COL9A2: variants seen among roughly 807,000 people sequenced by gnomAD.
The protein encoded by COL9A2 is collagen alpha-2(IX) chain.
In COL9A2, 66 loss-of-function variants were observed where a neutral mutation model predicts 111.6. The observed-to-expected ratio is 0.59, with a 90% confidence interval of 0.48 to 0.73. The LOEUF is 0.73. Among genes scored for constraint, COL9A2 ranks in the 30% least tolerant of loss-of-function variants. The probability of loss-of-function intolerance (pLI) is 0.00; values close to 1 mark genes in which losing one functional copy is unlikely to be tolerated. For synonymous variants in COL9A2, 353 were observed against 364.1 expected (o/e 0.97, Z 0.35); for missense variants, 881 against 954.1 (o/e 0.92, Z 1.01).
In COL9A2 at chr1:40,302,419, C is replaced by T. The variant is rs999463388; in HGVS notation, c.1792+202G>A. The stretch of plus-strand genomic sequence containing the variant: ...CCACTAAGCACATTCAAAAACAAAC[C>T]CCAGAAACCCCGAGTGATAACATAG... On this transcript the variant is annotated intron_variant, in intron 30 of 31. Transcript: ENST00000372748. This position sits in a 1 kb window ranked among gnomAD's most constrained non-coding sequence, Gnocchi z 4.5. Among the ~76,000 whole-genome samples, 1 of 152,108 alleles carries T rather than the reference C, an allele frequency of 6.6e-6. No homozygotes were observed. The highest frequency in any genetic ancestry group is 1.5e-5 in the Non-Finnish European group (1 of 68,028).
chr1:40,316,592 C>A lies in COL9A2; in HGVS notation c.75+531G>T, dbSNP rs1324494428. 2.2e-6 allele frequency: 1 copy of A among 454,720 alleles called. No individual in the cohort carries two copies. The highest frequency in any genetic ancestry group is 2.0e-5 in the African/African-American group (1 of 49,442). 28.2% of individuals were successfully genotyped at this position (454,720 alleles called of 1,614,324 possible). A position where few individuals can be genotyped will look rare whatever the true frequency, so the allele number is the denominator to read the frequency against. ...CAGGCCGCGAAGTGCCAGGCTGGCG[C>A]CCCGCAGGCGAGCTCGAAACCACAC... On this transcript the variant is annotated intron_variant, in intron 1 of 31. Transcript: ENST00000372748. This position sits in a 1 kb window ranked among gnomAD's most constrained non-coding sequence, Gnocchi z 5.5.
Position 40,310,780 on chromosome 1 carries a change from G to A in COL9A2, c.631-13C>T, listed in dbSNP as rs1395226890. 6.4e-7 allele frequency: 1 copy of A among 1,558,414 alleles called. No homozygotes were observed. Among genetic ancestry groups the A allele is most frequent in the Non-Finnish European group, 8.7e-7 (1 of 1,150,390 alleles). ...CTCCCTTGGGACCCTAAAGGGCAGG[G>A]ATGAGCTGTCAGACAGGCAGGCAGA... On this transcript the variant is annotated splice_polypyrimidine_tract_variant and intron_variant, in intron 12 of 31. Transcript: ENST00000372748. This position sits in a 1 kb window ranked among gnomAD's most constrained non-coding sequence, Gnocchi z 4.9.
In COL9A2 at chr1:40,306,555, G is replaced by A. The variant is rs115626698; in HGVS notation, c.1009-368C>T. ...GGCTCCCATGGACTGGACTCCAGGAGGTATGGAATGGAGATGGCCCTGAAC... is the reference window on the plus strand; with the variant it reads ...GGCTCCCATGGACTGGACTCCAGGAAGTATGGAATGGAGATGGCCCTGAAC... On this transcript the variant is annotated intron_variant, in intron 19 of 31. Transcript: ENST00000372748. 3.4e-3 allele frequency among the ~76,000 whole-genome samples: 519 copies of A among 152,318 alleles called. 3 individuals carry two copies. Among genetic ancestry groups the A allele is most frequent in the African/African-American group, 0.012 (497 of 41,572 alleles).
In COL9A2 at chr1:40,307,638, G is replaced by T; in HGVS notation, c.954+65C>A. On this transcript the variant is annotated intron_variant, in intron 18 of 31. Coordinates refer to ENST00000372748, the MANE Select transcript of COL9A2 (RefSeq NM_001852.4). The surrounding 1 kb of genome is among the most constrained non-coding windows in gnomAD (Gnocchi z 4.8). Reference sequence around the variant, plus strand: ...ATGACCTGAGGACCCCAGGCTCTTGGTGTCTAGAATCCAGGACTCAAGGTC... The same window carrying T: ...ATGACCTGAGGACCCCAGGCTCTTGTTGTCTAGAATCCAGGACTCAAGGTC... The T allele has an allele frequency of 6.2e-7, 1 of 1,600,154 alleles. No homozygotes were observed. Among genetic ancestry groups the T allele is most frequent in the Non-Finnish European group, 8.6e-7 (1 of 1,169,442 alleles).
At position 40,305,058 on chromosome 1, in the gene COL9A2, TTTC is replaced by T. The variant is rs202104002; in HGVS notation, c.1108-214_1108-212del. On this transcript the variant is annotated intron_variant, in intron 21 of 31. Transcript: ENST00000372748. The stretch of plus-strand genomic sequence containing the variant: ...TACTTATCATGTGATCATTTCTTTC[TTTC>T]TTTTTTTTTTTTTTTTTTTTTTTTG... 17,982 of 359,474 alleles carry T rather than the reference TTTC, an allele frequency of 0.05. 389 individuals are homozygous for T. The highest frequency in any genetic ancestry group is 0.17 in the East Asian group (3,421 of 20,394). The allele number at this position is 359,474 out of a possible 1,614,324, so 22.3% of individuals were successfully genotyped here.
Position 40,312,663 on chromosome 1 carries a change from C to A in COL9A2, c.304-54G>T. 6.2e-7 allele frequency: 1 copy of A among 1,602,160 alleles called. No individual in the cohort carries two copies. The highest frequency in any genetic ancestry group is 8.5e-7 in the Non-Finnish European group (1 of 1,174,046). On this transcript the variant is annotated intron_variant, in intron 5 of 31. Transcript: ENST00000372748. This position sits in a 1 kb window ranked among gnomAD's most constrained non-coding sequence, Gnocchi z 6.0. ...GCTGGGGTTTCCCCGGCTCCTACTTCCTCTCTACAGCCACTCCCAAACGCT... is the reference window on the plus strand; with the variant it reads ...GCTGGGGTTTCCCCGGCTCCTACTTACTCTCTACAGCCACTCCCAAACGCT...
Position 40,317,140 on chromosome 1 carries a change from G to T in COL9A2, c.58C>A (p.Leu20Ile). The T allele has an allele frequency of 6.3e-7, 1 of 1,584,194 alleles. No homozygotes were observed. Among genetic ancestry groups the T allele is most frequent in the Admixed American group, 1.8e-5 (1 of 55,988 alleles). ...AAACTTACAATCTGCGCCAGAGCGA[G>T]CACTACCACCTGGAGGAGAACAAGG... ...SLLVLLQVVV[L>I]ALAQIRGPPG... is the part of the protein sequence containing the mutation. Residue 20 changes from leucine to isoleucine, a missense_variant, in exon 1 of 32, where the codon CTC (leucine) becomes ATC (isoleucine). Physicochemically the swap from Leu to Ile is conservative, Grantham distance 5. Transcript: ENST00000372748. This position sits in a 1 kb window ranked among gnomAD's most constrained non-coding sequence, Gnocchi z 4.3.
rs370682522 is a variant in COL9A2, at chr1:40,304,831, C to G, written c.1124G>C (p.Arg375Pro). 92 of 1,550,554 alleles carry G rather than the reference C, an allele frequency of 5.9e-5. No homozygotes were observed. Among genetic ancestry groups the G allele is most frequent in the Non-Finnish European group, 7.6e-5 (87 of 1,146,934 alleles). Residue 375 changes from arginine (R) to proline (P), a missense_variant, in exon 22 of 32, where the codon CGA becomes CCA. Arg to Pro is a moderately radical substitution (Grantham distance 103). Coordinates refer to ENST00000372748, the MANE Select transcript of COL9A2 (RefSeq NM_001852.4). ...GATGCCCTGGGGACCAATTTCTCCT[C>G]GAGGCCCTGGCTCTCCCTGGAGGAA... ...PPGKEGEPGP[R>P]GEIGPQGIMG...
At position 40,310,127 on chromosome 1, in the gene COL9A2, C is replaced by T; in HGVS notation, c.776G>A (p.Gly259Asp). 3.1e-6 allele frequency: 5 copies of T among 1,614,002 alleles called. No individual in the cohort carries two copies. The highest frequency in any genetic ancestry group is 4.2e-6 in the Non-Finnish European group (5 of 1,179,910). Residue 259 changes from glycine (G) to aspartate (D), a missense_variant, in exon 15 of 32, where the codon GGT becomes GAT. Gly to Asp is a moderately conservative substitution (Grantham distance 94). Transcript: ENST00000372748. The surrounding 1 kb of genome is among the most constrained non-coding windows in gnomAD (Gnocchi z 4.9). Reference sequence around the variant, plus strand: ...GAGGCTTACCGGTGGCCCAGTGGCACCGATAGCGCCCACCATGCCTTTATA... The same window carrying T: ...GAGGCTTACCGGTGGCCCAGTGGCATCGATAGCGCCCACCATGCCTTTATA... ...HGYKGMVGAIGATGPPGEEGP... is the reference protein window; with the variant it reads ...HGYKGMVGAIDATGPPGEEGP...
Position 40,310,256 on chromosome 1 carries a change from T to C in COL9A2, c.738+8A>G. The C allele has an allele frequency of 1.2e-6, 2 of 1,614,018 alleles. No homozygotes were observed. The highest frequency in any genetic ancestry group is 2.2e-5 in the South Asian group (2 of 91,086). On this transcript the variant is annotated splice_region_variant and intron_variant, in intron 14 of 31. Transcript: ENST00000372748. This position sits in a 1 kb window ranked among gnomAD's most constrained non-coding sequence, Gnocchi z 4.9. ...AAGCTCTTGTAGAACACCCCAAGATTCACTTACCGTCTCTCCCTTGGGCCC... is the reference window on the plus strand; with the variant it reads ...AAGCTCTTGTAGAACACCCCAAGATCCACTTACCGTCTCTCCCTTGGGCCC...
Position 40,302,591 on chromosome 1 carries a change from C to A in COL9A2, c.1792+30G>T. 1.3e-6 allele frequency: 2 copies of A among 1,575,998 alleles called. No homozygotes were observed. The highest frequency in any genetic ancestry group is 8.6e-7 in the Non-Finnish European group (1 of 1,164,266). ...GCCTGGACAAATCCTCACTGCCTGG[C>A]CCCCATGCCCACCGCAGAGGAGCAC... is the stretch of plus-strand genomic sequence containing the variant. On this transcript the variant is annotated intron_variant, in intron 30 of 31. Transcript: ENST00000372748. The surrounding 1 kb of genome is among the most constrained non-coding windows in gnomAD (Gnocchi z 4.5).
At position 40,307,811 on chromosome 1, in the gene COL9A2, G is replaced by C; in HGVS notation, c.901-55C>G. ...GATAATGCGGAGATGTCTGGGGTCTGGCCACCCACCCCTGTTCCTCTGAGA... is the reference window on the plus strand; with the variant it reads ...GATAATGCGGAGATGTCTGGGGTCTCGCCACCCACCCCTGTTCCTCTGAGA... On this transcript the variant is annotated intron_variant, in intron 17 of 31. Transcript: ENST00000372748. This position sits in a 1 kb window ranked among gnomAD's most constrained non-coding sequence, Gnocchi z 4.8. The C allele has an allele frequency of 6.3e-7, 1 of 1,577,668 alleles. No individual in the cohort carries two copies. Among genetic ancestry groups the C allele is most frequent in the Non-Finnish European group, 8.7e-7 (1 of 1,148,052 alleles).
At chr1:40,304,618 C>T in intron 22 of COL9A2, 89 bp from the exon 23 acceptor site, 1 of 1,505,772 alleles carries the variant, frequency 6.6e-7, no homozygotes, top group Non-Finnish European at 9.2e-7. Flanking sequence ...GGTCAGGGTG[C>T]CCTCCATTCC....
rs1206919980 is a variant in COL9A2 at position 40,316,170 on chromosome 1, T to C, written c.76-506A>G. ...GAGACAGCGCCTCCTCCTCTCCCCA[T>C]GGTGCGGGAAAACCCGACGGGAAAG... On this transcript the variant is annotated intron_variant, in intron 1 of 31. Transcript: ENST00000372748. The surrounding 1 kb of genome is among the most constrained non-coding windows in gnomAD (Gnocchi z 5.5). The C allele has an allele frequency of 6.1e-6, 1 of 163,766 alleles. No homozygotes were observed. Among genetic ancestry groups the C allele is most frequent in the Non-Finnish European group, 1.3e-5 (1 of 74,644 alleles). 10.1% of individuals were successfully genotyped at this position (163,766 alleles called of 1,614,324 possible). A position where few individuals can be genotyped will look rare whatever the true frequency, so the allele number is the denominator to read the frequency against.
chr1:40,302,000 T>C lies in COL9A2; in HGVS notation c.1793-111A>G, dbSNP rs118134553. ...ATTCCTGTTTTGTGCTAGTTTGTAA[T>C]AGAGGAAAGTTGGAAATGGTCACGC... On this transcript the variant is annotated intron_variant, in intron 30 of 31. Coordinates refer to ENST00000372748, the MANE Select transcript of COL9A2 (RefSeq NM_001852.4). 553 of 1,132,454 alleles carry C rather than the reference T, an allele frequency of 4.9e-4. 12 individuals are homozygous for C. In the East Asian group the frequency reaches 9.8e-3, roughly 20 times the overall value. The allele number at this position is 1,132,454 out of a possible 1,614,324, so 70.2% of individuals were successfully genotyped here.
intron 2 of COL9A2, chr1:40,315,247 C>G (rs565061739): frequency 2.7e-6 from 3 of 1,101,372 alleles, no homozygotes; most frequent in African/African-American, 3.3e-5. Flanking sequence ...CCTGAAGAAG[C>G]GTCCAGATGT....
Position 40,303,259 on chromosome 1 carries a change from G to T in COL9A2, c.1549-74C>A. On this transcript the variant is annotated intron_variant, in intron 28 of 31. Coordinates refer to ENST00000372748, the MANE Select transcript of COL9A2 (RefSeq NM_001852.4). The surrounding 1 kb of genome is among the most constrained non-coding windows in gnomAD (Gnocchi z 4.6). ...CCGCTCCTATCCCACCTGGCTGAGC[G>T]TGAGGCCGCCATGGAGGAGACTCTG... is the stretch of plus-strand genomic sequence containing the variant. 6.9e-7 allele frequency: 1 copy of T among 1,453,104 alleles called. No homozygotes were observed. The highest frequency in any genetic ancestry group is 9.5e-7 in the Non-Finnish European group (1 of 1,051,798). 90.0% of individuals were successfully genotyped at this position (1,453,104 alleles called of 1,614,324 possible).
At position 40,310,682 on chromosome 1, in the gene COL9A2, G is replaced by T. The variant is rs374200936; in HGVS notation, c.684+32C>A. The T allele has an allele frequency of 7.2e-5, 112 of 1,557,296 alleles. No individual in the cohort carries two copies. The African/African-American group carries it at 1.4e-3, about 20-fold the overall frequency. ...CATGAAGGGCTCCTGGGGTGAGGGAGAAGAGGGCCACTGAGGCAAGGTGTT... is the reference window on the plus strand; with the variant it reads ...CATGAAGGGCTCCTGGGGTGAGGGATAAGAGGGCCACTGAGGCAAGGTGTT... On this transcript the variant is annotated intron_variant, in intron 13 of 31. Transcript: ENST00000372748. The surrounding 1 kb of genome is among the most constrained non-coding windows in gnomAD (Gnocchi z 4.9).
chr1:40,302,533 T>C lies in COL9A2; in HGVS notation c.1792+88A>G. 1 of 1,438,256 alleles carries C rather than the reference T, an allele frequency of 7.0e-7. No individual in the cohort carries two copies. The highest frequency in any genetic ancestry group is 9.5e-7 in the Non-Finnish European group (1 of 1,056,400). The allele number at this position is 1,438,256 out of a possible 1,614,324, so 89.1% of individuals were successfully genotyped here. On this transcript the variant is annotated intron_variant, in intron 30 of 31. Transcript: ENST00000372748. This position sits in a 1 kb window ranked among gnomAD's most constrained non-coding sequence, Gnocchi z 4.5. ...CTGAGGAACCGGGGAAGGGTCTGTA[T>C]GTCATCCTGAGAAGGGAATGGGGAA... is the stretch of plus-strand genomic sequence containing the variant.
Sources: gnomAD v4.1 joint callset for allele counts (sites outside exome capture counted in the v4.1 genomes callset) on GRCh38, gnomAD v4.1.1 for gene constraint, Gnocchi (gnomAD v3.1) non-coding constraint, MANE v1.5 for transcripts, NCBI Gene and HGNC (gene_info 2026-07-23, HGNC 2026-07-21) for gene names.